Variants in AKR1C3 observed in about 807,000 individuals in gnomAD.
The protein encoded by AKR1C3 is aldo-keto reductase family 1 member C3, also known as 3-alpha hydroxysteroid dehydrogenase, type II.
A neutral mutation model predicts 43.6 loss-of-function variants in AKR1C3; 48 were observed. That is an observed-to-expected ratio of 1.10 (90% CI 0.87 to 1.40). The LOEUF (loss-of-function observed/expected upper bound fraction) is 1.40, where lower values mean the gene tolerates loss of function less well. Among genes scored for constraint, AKR1C3 ranks in the 40% most tolerant of loss-of-function variants. The pLI is 0.00. For missense variants in AKR1C3, 482 were observed against 391.2 expected, an observed-to-expected ratio of 1.23 and a Z score of -1.96; for synonymous variants, 162 against 139.6, an observed-to-expected ratio of 1.16 and a Z score of -1.13.
At chr10:5,074,628 G>A (rs782149092) in intron 1 of AKR1C3, among the ~76,000 whole-genome samples, 21 of 152,242 alleles carry the variant, frequency 1.4e-4, no homozygotes, top group African/African-American at 2.6e-4. Context: ...TTTGGTACCC[G>A]AAACTCTTTT....
intron 5 of AKR1C3, among the ~76,000 whole-genome samples, chr10:5,101,653 A>G (rs1467736682): frequency 6.6e-6 from 1 of 152,146 alleles, no homozygotes; most frequent in Non-Finnish European, 1.5e-5. Context: ...TTCTTACCCA[A>G]TGGGTAGATT....
chr10:5,097,701 T>G, intron 3 of AKR1C3, 151 bp downstream of exon 3: 1 of 1,483,806 alleles, frequency 6.7e-7, no homozygotes, highest in Non-Finnish European at 8.9e-7. Context: ...TTCCTTTCTT[T>G]CGAGTAAATT....
chr10:5,050,866 G>A (rs1838138987), intron 1 of AKR1C3, among the ~76,000 whole-genome samples: 1 of 152,154 alleles, frequency 6.6e-6, no homozygotes, highest in Non-Finnish European at 1.5e-5. Flanking sequence ...CAGGCACTAG[G>A]TAATAAATAA....
chr10:5,103,331 C>T (rs990399827), intron 7 of AKR1C3, among the ~76,000 whole-genome samples: 1 of 151,786 alleles, frequency 6.6e-6, no homozygotes, highest in African/African-American at 2.4e-5. Flanking sequence ...TGTGTACTGC[C>T]TGTTTAAGTC....
intron 2 of AKR1C3, 65 bp downstream of exon 2, chr10:5,096,642 C>T: frequency 6.6e-7 from 1 of 1,522,336 alleles, no homozygotes; most frequent in African/African-American, 1.4e-5. Context: ...GATGACAATT[C>T]TATGACTGGA....
At chr10:5,094,339 A>G, upstream of AKR1C3, 1 of 1,194,378 alleles carries the variant, frequency 8.4e-7, no homozygotes. Flanking sequence ...TTGGTTAACC[A>G]TCAGTCAGTT....
intron 1 of AKR1C3, among the ~76,000 whole-genome samples, chr10:5,072,608 C>T (rs1043965569): frequency 2.0e-5 from 3 of 152,154 alleles, no homozygotes; most frequent in Non-Finnish European, 2.9e-5. Context: ...AGAAAGATAA[C>T]TTCCTATCTC....
At chr10:5,065,473 G>A (rs77687129) in intron 1 of AKR1C3, among the ~76,000 whole-genome samples, 1 of 152,210 alleles carries the variant, frequency 6.6e-6, no homozygotes, top group Admixed American at 6.5e-5. Flanking sequence ...AGTTGATTGT[G>A]TTACCGAAAG....
At chr10:5,099,290 C>G (rs781809395) in intron 4 of AKR1C3, 37 bp from the exon 5 acceptor site, 1 of 1,613,398 alleles carries the variant, frequency 6.2e-7, no homozygotes, top group Middle Eastern at 1.7e-4. Flanking sequence ...TTGCAGCCAA[C>G]TGCACAAATA....
At chr10:5,053,141 G>A (rs982327418) in intron 1 of AKR1C3, among the ~76,000 whole-genome samples, 8 of 152,218 alleles carry the variant, frequency 5.3e-5, no homozygotes, top group South Asian at 2.1e-4. Flanking sequence ...CGTGCCATGC[G>A]CCCGCACTCC....
rs782051029 is a variant in AKR1C3, at chr10:5,096,391, C to T, written c.85-19C>T. 3.1e-6 allele frequency: 5 copies of T among 1,610,572 alleles called. No individual in the cohort carries two copies. In the South Asian group the frequency reaches 5.5e-5, roughly 18 times the overall value. ...CAGCCACAGTGATCACCAGATACTA[C>T]CTTTGGTTGCTCCTCCAGGTTCCGA... On this transcript the variant is annotated intron_variant, in intron 1 of 8. Coordinates refer to ENST00000380554, the MANE Select transcript of AKR1C3 (RefSeq NM_003739.6).
intron 1 of AKR1C3, among the ~76,000 whole-genome samples, chr10:5,080,157 C>A (rs1191371572): frequency 7.9e-6 from 1 of 126,736 alleles, no homozygotes; most frequent in East Asian, 2.4e-4. Context: ...CCGGTAAGAG[C>A]GTCTGGTTAA....
intron 5 of AKR1C3, 124 bp from the exon 6 acceptor site, chr10:5,101,977 A>T (rs1199556412): frequency 1.6e-6 from 1 of 631,708 alleles, no homozygotes. Flanking sequence ...TTACTTGACA[A>T]TAATATCCTC....
chr10:5,099,270 T>TTA, intron 4 of AKR1C3, 57 bp from the exon 5 acceptor site: 2 of 1,611,648 alleles, frequency 1.2e-6, no homozygotes, highest in Non-Finnish European at 1.7e-6. Context: ...TGTCTTGCAT[T>TTA]TACCGTGATT....
chr10:5,069,945 C>T (rs1383734480), intron 1 of AKR1C3, among the ~76,000 whole-genome samples: 2 of 152,192 alleles, frequency 1.3e-5, no homozygotes, highest in East Asian at 1.9e-4. Flanking sequence ...CCTAGGCCTT[C>T]AGGCAATACC....
At chr10:5,086,503 G>C (rs555412462) in intron 1 of AKR1C3, among the ~76,000 whole-genome samples, 14 of 151,686 alleles carry the variant, frequency 9.2e-5, no homozygotes, top group Non-Finnish European at 1.9e-4. Flanking sequence ...TAACTATGTG[G>C]TCAATTTTGG....
intron 1 of AKR1C3, among the ~76,000 whole-genome samples, chr10:5,068,153 A>G (rs115646686): frequency 0.036 from 5,399 of 151,602 alleles, 121 homozygotes; most frequent in Middle Eastern, 0.061. Context: ...GGTTATTTCT[A>G]TGGTTTATAG....
intron 1 of AKR1C3, among the ~76,000 whole-genome samples, chr10:5,053,627 A>G (rs1554779221): frequency 6.6e-6 from 1 of 152,242 alleles, no homozygotes; most frequent in Admixed American, 6.5e-5. Flanking sequence ...AAGAATGGCA[A>G]GGACTGTGAG....
intron 5 of AKR1C3, 176 bp downstream of exon 5, chr10:5,099,625 G>A (rs1432289303): frequency 4.0e-5 from 47 of 1,179,830 alleles, no homozygotes; most frequent in Non-Finnish European, 5.5e-5. Flanking sequence ...GCTTGGAAAA[G>A]TATTAGGGAA....
Sources: allele counts gnomAD v4.1 joint callset (sites outside exome capture counted in the v4.1 genomes callset), GRCh38; gene constraint gnomAD v4.1.1; transcripts MANE v1.5; gene names NCBI Gene and HGNC (gene_info 2026-07-23, HGNC 2026-07-21).